The following WDR17 variants were observed in gnomAD, a reference collection of about 807,000 sequenced individuals.
The protein encoded by WDR17 is WD repeat-containing protein 17.
WDR17 carries 143 observed loss-of-function variants against 161.7 expected under a neutral mutation model. The ratio of observed to expected loss-of-function variants is 0.88; its 90% CI spans 0.77 to 1.02. WDR17 has a LOEUF of 1.02. Among genes scored for constraint, WDR17 ranks in the 50% least tolerant of loss-of-function variants. The pLI is 0.00. For missense variants in WDR17, 1,469 were observed against 1,520.9 expected, an observed-to-expected ratio of 0.97 and a Z score of 0.57; for synonymous variants, 517 against 515.6, an observed-to-expected ratio of 1.00 and a Z score of -0.04.
chr4:176,143,365 T>C (rs747436835), intron 11 of WDR17, among the ~76,000 whole-genome samples: 1 of 152,136 alleles, frequency 6.6e-6, no homozygotes, highest in East Asian at 1.9e-4. Flanking sequence ...TAATTTTCTC[T>C]GTCTAAATAT....
intron 10 of WDR17, among the ~76,000 whole-genome samples, 188 bp downstream of exon 10, chr4:176,140,162 G>C (rs147481459): frequency 2.6e-5 from 4 of 151,798 alleles, no homozygotes; most frequent in African/African-American, 9.7e-5. Flanking sequence ...ACAATGCAAG[G>C]GTATTTAAAA....
chr4:176,146,879 T>A (rs1039892517), intron 12 of WDR17, among the ~76,000 whole-genome samples: 68 of 122,000 alleles, frequency 5.6e-4, no homozygotes, highest in African/African-American at 3.6e-3. Flanking sequence ...AAAAAAAAAT[T>A]TTTTTTTTGA....
chr4:176,150,073 T>C lies in WDR17; in HGVS notation c.2078T>C (p.Leu693Pro), dbSNP rs2126813526. 1 of 1,614,078 alleles carries C rather than the reference T, an allele frequency of 6.2e-7. No homozygotes were observed. ...DYAIEPGTPP[L>P]LCGKVSRDIR... ...GCTATAGAACCAGGCACTCCTCCTCTACTGTGTGGTAAAGTGTCAAGAGAT... is the reference window on the plus strand; with the variant it reads ...GCTATAGAACCAGGCACTCCTCCTCCACTGTGTGGTAAAGTGTCAAGAGAT... Residue 693 changes from leucine (L) to proline (P), a missense_variant, in exon 15 of 29, where the codon CTA (leucine) becomes CCA (proline). Transcript: ENST00000508596.
At chr4:176,135,997 G>C (rs1309162207) in intron 8 of WDR17, among the ~76,000 whole-genome samples, 1 of 151,486 alleles carries the variant, frequency 6.6e-6, no homozygotes, top group African/African-American at 2.4e-5. Context: ...TCTTAACTTT[G>C]AATATTTGGG....
In WDR17 at chr4:176,168,769, G is replaced by T; in HGVS notation, c.3088G>T (p.Asp1030Tyr). 6.2e-7 allele frequency: 1 copy of T among 1,611,176 alleles called. No homozygotes were observed. Among genetic ancestry groups the T allele is most frequent in the South Asian group, 1.1e-5 (1 of 90,420 alleles). ...CCCAGGATGTACTGAAGAGATAAAT[G>T]ACCTTCATGATAAGGTATGCTGATG... ...FYPGCTEEIN[D>Y]LHDKCKLPTV... Residue 1030 changes from aspartate to tyrosine, a missense_variant, in exon 23 of 29, where the codon GAC becomes TAC. Physicochemically the swap from Asp to Tyr is radical, Grantham distance 160 (BLOSUM62 -3). Transcript: ENST00000508596.
chr4:176,089,255 CT>C (rs1735807839), intron 1 of WDR17, among the ~76,000 whole-genome samples: 1 of 152,118 alleles, frequency 6.6e-6, no homozygotes, highest in South Asian at 2.1e-4. Context: ...GTTACAGTTT[CT>C]GTTCCCCCTC....
intron 9 of WDR17, among the ~76,000 whole-genome samples, chr4:176,138,123 T>C (rs1369253881): frequency 3.3e-5 from 5 of 151,832 alleles, no homozygotes; most frequent in Middle Eastern, 3.4e-3. Flanking sequence ...GTCTTGGAGT[T>C]ATATTGTCAT....
chr4:176,093,176 G>A (rs1362660360), intron 1 of WDR17, among the ~76,000 whole-genome samples: 1 of 152,128 alleles, frequency 6.6e-6, no homozygotes, highest in East Asian at 1.9e-4. Flanking sequence ...ATAAAACATT[G>A]ATGAAACTGA....
chr4:176,169,482 A>G (rs531050434), intron 23 of WDR17, among the ~76,000 whole-genome samples: 2 of 150,220 alleles, frequency 1.3e-5, no homozygotes, highest in African/African-American at 4.9e-5. Context: ...CATATGCCAT[A>G]TGATTTTGGT....
intron 17 of WDR17, among the ~76,000 whole-genome samples, chr4:176,155,249 CTCTT>C (rs1353757781): frequency 1.3e-5 from 2 of 151,810 alleles, no homozygotes; most frequent in African/African-American, 4.8e-5. Flanking sequence ...TTCCGTTTTT[CTCTT>C]TCTTTCTCTC....
At chr4:176,146,239 A>C (rs1746139850) in intron 12 of WDR17, 80 bp downstream of exon 12, 1 of 1,400,074 alleles carries the variant, frequency 7.1e-7, no homozygotes, top group African/African-American at 1.5e-5. Context: ...TATTTATAGG[A>C]GATATATAGA....
rs750918599 is a variant in WDR17, at chr4:176,120,081, A to G, written c.522A>G (p.Leu174=). The G allele has an allele frequency of 3.1e-6, 5 of 1,613,362 alleles. No homozygotes were observed. Among genetic ancestry groups the G allele is most frequent in the East Asian group, 2.2e-5 (1 of 44,856 alleles). The change falls in exon 4 of 29, where the codon CTA becomes CTG. Residue 174 remains leucine, a synonymous_variant. Transcript: ENST00000508596. ...TGTTTGGTCATATTGATGGAAGTCT[A>G]TCAATTTTTCATCCAGGTAAGAATT... ...KVVFGHIDGS[L]SIFHPGNKNQ... is the part of the protein sequence containing the mutation.
chr4:176,141,485 A>G (rs1282784461), intron 10 of WDR17, among the ~76,000 whole-genome samples: 1 of 152,212 alleles, frequency 6.6e-6, no homozygotes, highest in Non-Finnish European at 1.5e-5. Flanking sequence ...GCTGGAGTGC[A>G]GTGGTGCAAT....
chr4:176,150,292 A>G, intron 15 of WDR17, 119 bp downstream of exon 15: 1 of 1,485,582 alleles, frequency 6.7e-7, no homozygotes, highest in South Asian at 1.3e-5. Context: ...CTCTTACCAT[A>G]ATCTGTGCAC....
chr4:176,110,110 T>C (rs907054555), intron 1 of WDR17, among the ~76,000 whole-genome samples: 15 of 152,068 alleles, frequency 9.9e-5, no homozygotes, highest in African/African-American at 3.6e-4. Context: ...TTGTCTCTCA[T>C]ATTAGGAGCT....
intron 1 of WDR17, among the ~76,000 whole-genome samples, chr4:176,071,850 A>G (rs1378891044): frequency 2.0e-5 from 3 of 152,212 alleles, no homozygotes; most frequent in African/African-American, 4.8e-5. Context: ...ATAAAAATAT[A>G]TGTAAATAGA....
intron 1 of WDR17, among the ~76,000 whole-genome samples, chr4:176,069,205 G>A (rs1370609309): frequency 1.3e-5 from 2 of 151,808 alleles, no homozygotes; most frequent in Non-Finnish European, 2.9e-5. Flanking sequence ...GCCACAGCTG[G>A]CACCTGCCTT....
At chr4:176,085,011 T>C (rs1735250244) in intron 1 of WDR17, among the ~76,000 whole-genome samples, 1 of 151,756 alleles carries the variant, frequency 6.6e-6, no homozygotes, top group Middle Eastern at 3.2e-3. Context: ...AGCTTTATAA[T>C]GGATAGTATA....
chr4:176,096,374 T>A (rs1390698977), intron 1 of WDR17: 1 of 472,714 alleles, frequency 2.1e-6, no homozygotes, highest in African/African-American at 2.0e-5. Flanking sequence ...GAAATATTTG[T>A]GCAGTTCTAG....
Sources: gnomAD v4.1 joint callset for allele counts (sites outside exome capture counted in the v4.1 genomes callset) on GRCh38, gnomAD v4.1.1 for gene constraint, MANE v1.5 for transcripts, NCBI Gene and HGNC (gene_info 2026-07-23, HGNC 2026-07-21) for gene names.